TTC23L: variants seen among roughly 807,000 people sequenced by gnomAD.
TTC23L encodes tetratricopeptide repeat domain 23 like.
TTC23L carries 42 observed loss-of-function variants against 48.1 expected under a neutral mutation model. The observed-to-expected ratio is 0.87, with a 90% CI of 0.68 to 1.13. The LOEUF (loss-of-function observed/expected upper bound fraction) is 1.13, where lower values mean the gene tolerates loss of function less well. Among genes scored for constraint, TTC23L ranks in the 50% most tolerant of loss-of-function variants. The probability of loss-of-function intolerance (pLI) is 0.00; values close to 1 mark genes in which losing one functional copy is unlikely to be tolerated. For synonymous variants in TTC23L, 159 were observed against 157.2 expected (o/e 1.01, Z -0.09); for missense variants, 391 against 421.0 (o/e 0.93, Z 0.62).
intron 2 of TTC23L, 142 bp downstream of exon 2, chr5:34,840,881 T>C (rs1378966437): frequency 1.3e-6 from 1 of 762,896 alleles, no homozygotes; most frequent in Non-Finnish European, 2.3e-6. Flanking sequence ...ACCCCGTCTC[T>C]ACTAAAAATA....
chr5:34,910,784 T>C, the TTC23L span, among the ~76,000 whole-genome samples: 1 of 152,214 alleles, frequency 6.6e-6, no homozygotes, highest in African/African-American at 2.4e-5. Context: ...ATTCCTTTTA[T>C]TCCATATGTA....
chr5:34,859,034 T>C (rs1214011851), intron 4 of TTC23L, among the ~76,000 whole-genome samples: 1 of 152,148 alleles, frequency 6.6e-6, no homozygotes, highest in Non-Finnish European at 1.5e-5. Flanking sequence ...GGTGCAGGCT[T>C]TCAAAAGCCT....
downstream of TTC23L, among the ~76,000 whole-genome samples, chr5:34,900,285 T>C (rs987661561): frequency 2.7e-5 from 4 of 148,540 alleles, no homozygotes; most frequent in South Asian, 6.2e-4. Context: ...GTTATATGTA[T>C]AGTATATAAT....
chr5:34,911,520 C>T, the TTC23L span: 6 of 1,608,264 alleles, frequency 3.7e-6, no homozygotes, highest in Non-Finnish European at 5.1e-6. Context: ...GGAGTACAGA[C>T]CACATTAACT....
the TTC23L span, chr5:34,925,207 C>CTTTTTTTTTTTTTTTT: frequency 9.5e-7 from 1 of 1,055,338 alleles, no homozygotes. Flanking sequence ...AGCATCTAAT[C>CTTTTTTTTTTTTTTTT]TTTTTTTTTT....
intron 8 of TTC23L, among the ~76,000 whole-genome samples, chr5:34,870,019 A>G (rs1761345318): frequency 6.6e-6 from 1 of 152,114 alleles, no homozygotes; most frequent in Non-Finnish European, 1.5e-5. Flanking sequence ...GGTTACAAGA[A>G]ATTTAGTCTG....
the TTC23L span, chr5:34,913,353 C>T: frequency 3.9e-6 from 2 of 507,958 alleles, no homozygotes; most frequent in African/African-American, 1.9e-5. Context: ...ACTGTGGCCA[C>T]TGAAAAATGA....
chr5:34,864,621 T>C (rs959102702), intron 6 of TTC23L, 59 bp downstream of exon 6: 11 of 1,503,254 alleles, frequency 7.3e-6, no homozygotes, highest in Non-Finnish European at 7.1e-6. Context: ...AATTACATGA[T>C]ATAAGGGAGA....
At chr5:34,923,150 G>T in the TTC23L span, 1 of 1,613,748 alleles carries the variant, frequency 6.2e-7, no homozygotes, top group Non-Finnish European at 8.5e-7. Context: ...GTACACCACG[G>T]TATCATCCCA....
chr5:34,885,471 TG>T (rs1323921798), intron 9 of TTC23L, among the ~76,000 whole-genome samples: 1 of 152,172 alleles, frequency 6.6e-6, no homozygotes, highest in African/African-American at 2.4e-5. Flanking sequence ...CCATATGCGA[TG>T]GCTCATGCCT....
chr5:34,897,139 C>T (rs995651870), intron 10 of TTC23L, among the ~76,000 whole-genome samples: 6 of 152,124 alleles, frequency 3.9e-5, no homozygotes, highest in Non-Finnish European at 8.8e-5. Flanking sequence ...AATCCTAGCA[C>T]TTTCAGAGGC....
At chr5:34,876,458 A>T (rs1761837217) in intron 8 of TTC23L, among the ~76,000 whole-genome samples, 3 of 152,214 alleles carry the variant, frequency 2.0e-5, no homozygotes, top group African/African-American at 7.2e-5. Flanking sequence ...TAATAGGACA[A>T]TAAAGGAATA....
At chr5:34,869,228 T>A in intron 8 of TTC23L, 2 of 469,486 alleles carry the variant, frequency 4.3e-6, no homozygotes, top group Non-Finnish European at 7.9e-6. Flanking sequence ...ATCATCTGAT[T>A]TCTACATCCT....
chr5:34,840,250 G>GGGGA (rs1554016490), intron 1 of TTC23L, among the ~76,000 whole-genome samples: 6 of 108,148 alleles, frequency 5.5e-5, no homozygotes, highest in African/African-American at 1.2e-4. Context: ...GGGGGGGGGG[G>GGGGA]AAAGCAGAAT....
intron 4 of TTC23L, among the ~76,000 whole-genome samples, chr5:34,854,173 T>A (rs442382): frequency 0.11 from 16,171 of 152,170 alleles, 1,564 homozygotes; most frequent in African/African-American, 0.26. Context: ...TCCTGCTGCA[T>A]GAATAGAGAA....
chr5:34,857,585 A>C (rs1760232736), intron 4 of TTC23L, among the ~76,000 whole-genome samples: 1 of 152,232 alleles, frequency 6.6e-6, no homozygotes, highest in African/African-American at 2.4e-5. Flanking sequence ...CAGTGCTATG[A>C]AAAATGTTGA....
intron 10 of TTC23L, among the ~76,000 whole-genome samples, chr5:34,898,288 G>A (rs972087898): frequency 2.0e-5 from 3 of 152,158 alleles, no homozygotes; most frequent in East Asian, 3.8e-4. Context: ...CCAAGCTGAT[G>A]TGGAAAATAT....
downstream of TTC23L, among the ~76,000 whole-genome samples, chr5:34,900,153 C>T (rs1003090833): frequency 7.2e-5 from 11 of 152,158 alleles, no homozygotes; most frequent in African/African-American, 1.4e-4. Flanking sequence ...GCTGCCAATG[C>T]CTTGTGCAGT....
chr5:34,890,657 A>G (rs142082586), intron 9 of TTC23L, among the ~76,000 whole-genome samples: 183 of 152,292 alleles, frequency 1.2e-3, no homozygotes, highest in African/African-American at 4.3e-3. Context: ...CTGAAGTTTT[A>G]TGATTTACTG....
Sources: allele counts gnomAD v4.1 joint callset (sites outside exome capture counted in the v4.1 genomes callset), GRCh38; gene constraint gnomAD v4.1.1; transcripts MANE v1.5; gene names NCBI Gene and HGNC (gene_info 2026-07-23, HGNC 2026-07-21).